The following CACNA2D3 variants were observed in gnomAD, a reference collection of about 807,000 sequenced individuals.
The protein encoded by CACNA2D3 is calcium voltage-gated channel auxiliary subunit alpha2delta 3, also known as voltage-dependent calcium channel subunit alpha-2/delta-3.
CACNA2D3 carries 60 observed loss-of-function variants against 160.6 expected under a neutral mutation model. The ratio of observed to expected loss-of-function variants is 0.37; its 90% confidence interval spans 0.30 to 0.46. CACNA2D3 has a LOEUF of 0.46. CACNA2D3 is among the 20% of genes least tolerant of loss of function. The probability of loss-of-function intolerance (pLI) is 1.00; values close to 1 mark genes in which losing one functional copy is unlikely to be tolerated. For missense variants in CACNA2D3, 1,205 were observed against 1,365.0 expected, an observed-to-expected ratio of 0.88 and a Z score of 1.85; for synonymous variants, 558 against 492.9, an observed-to-expected ratio of 1.13 and a Z score of -1.75.
intron 25 of CACNA2D3, chr3:54,894,704 A>ACG (rs1700145947): frequency 4.1e-6 from 2 of 482,392 alleles, no homozygotes; most frequent in East Asian, 1.2e-4. Context: ...GGGCCAGGCA[A>ACG]CAGAGGCTCC....
intron 15 of CACNA2D3, among the ~76,000 whole-genome samples, chr3:54,838,137 C>A (rs1698738298): frequency 6.6e-6 from 1 of 152,184 alleles, no homozygotes; most frequent in Admixed American, 6.5e-5. Context: ...GCTATTTAGA[C>A]TCTCTCTCCT....
chr3:55,074,333 CATGATTTT>C lies in CACNA2D3; in HGVS notation c.*129_*136del. ...TATAGTCCAACCATCAGCATCTCATCATGATTTTAAACTGTGCGTGATATAAACTCTTA... is the reference window on the plus strand; with the variant it reads ...TATAGTCCAACCATCAGCATCTCATCAAACTGTGCGTGATATAAACTCTTA... On this transcript the variant is annotated 3_prime_UTR_variant, in exon 38 of 38. Coordinates refer to ENST00000474759, the MANE Select transcript of CACNA2D3 (RefSeq NM_018398.3). 1.3e-6 allele frequency: 1 copy of C among 759,038 alleles called. No homozygotes were observed. The highest frequency in any genetic ancestry group is 2.5e-5 in the East Asian group (1 of 40,188). 47.0% of individuals were successfully genotyped at this position (759,038 alleles called of 1,614,324 possible).
chr3:54,179,737 T>C (rs540584596), intron 2 of CACNA2D3, among the ~76,000 whole-genome samples: 1 of 152,298 alleles, frequency 6.6e-6, no homozygotes, highest in African/African-American at 2.4e-5. Context: ...AGTGCCCTTA[T>C]AAGAAGAGAG....
chr3:54,966,711 C>T (rs578230883), intron 27 of CACNA2D3, among the ~76,000 whole-genome samples: 8 of 152,134 alleles, frequency 5.3e-5, no homozygotes, highest in Admixed American at 6.5e-5. Context: ...CCCAGCTACT[C>T]GGGAGGCTGA....
intron 4 of CACNA2D3, among the ~76,000 whole-genome samples, chr3:54,494,507 A>G (rs1039147412): frequency 7.2e-5 from 11 of 152,146 alleles, no homozygotes; most frequent in Admixed American, 7.2e-4. Context: ...ATGAACCATT[A>G]TTCATTGTCC....
chr3:54,839,102 A>G (rs930445347), intron 16 of CACNA2D3, among the ~76,000 whole-genome samples: 5 of 152,136 alleles, frequency 3.3e-5, no homozygotes, highest in African/African-American at 1.2e-4. Context: ...CTAAAAATAC[A>G]AAACAATTAG....
chr3:54,500,193 G>T (rs1701266207), intron 4 of CACNA2D3, among the ~76,000 whole-genome samples: 1 of 152,026 alleles, frequency 6.6e-6, no homozygotes, highest in African/African-American at 2.4e-5. Flanking sequence ...AGTCTGTTTT[G>T]CCTGAAATTA....
intron 4 of CACNA2D3, among the ~76,000 whole-genome samples, chr3:54,476,381 G>C (rs76058910): frequency 1.3e-5 from 2 of 151,840 alleles, no homozygotes; most frequent in Admixed American, 1.3e-4. Flanking sequence ...GTGTGCAGCT[G>C]TCTCTTTGAG....
intron 2 of CACNA2D3, among the ~76,000 whole-genome samples, chr3:54,150,862 G>A (rs932075336): frequency 6.6e-6 from 1 of 152,014 alleles, no homozygotes; most frequent in East Asian, 1.9e-4. Context: ...ATGAGTGGGT[G>A]TATGGAGAAA....
At chr3:54,456,527 G>A (rs1287202291) in intron 4 of CACNA2D3, among the ~76,000 whole-genome samples, 1 of 151,744 alleles carries the variant, frequency 6.6e-6, no homozygotes, top group Non-Finnish European at 1.5e-5. Context: ...GAGAATTTTT[G>A]CCTCTGTATT....
At chr3:54,928,396 G>C (rs1701089914) in intron 27 of CACNA2D3, among the ~76,000 whole-genome samples, 1 of 152,124 alleles carries the variant, frequency 6.6e-6, no homozygotes, top group Admixed American at 6.5e-5. Flanking sequence ...ACCATGCCGG[G>C]TCACCCCTCT....
In CACNA2D3 at chr3:54,844,539, C is replaced by G. The variant is rs190351115; in HGVS notation, c.1552-1854C>G. 1.1e-4 allele frequency among the ~76,000 whole-genome samples: 16 copies of G among 152,246 alleles called. No individual in the cohort carries two copies. In the East Asian group the frequency reaches 2.9e-3, roughly 28 times the overall value. ...AGTTTCTTCTATTGTTTCCCTACTTCCACCTTTTTCTCTTTCTTCTTTCCC... is the reference window on the plus strand; with the variant it reads ...AGTTTCTTCTATTGTTTCCCTACTTGCACCTTTTTCTCTTTCTTCTTTCCC... On this transcript the variant is annotated intron_variant, in intron 16 of 37. Coordinates refer to ENST00000474759, the MANE Select transcript of CACNA2D3 (RefSeq NM_018398.3).
intron 9 of CACNA2D3, chr3:54,626,082 C>T (rs561456625): frequency 3.5e-6 from 2 of 570,530 alleles, no homozygotes; most frequent in East Asian, 5.8e-5. Context: ...CTCCCCCTGC[C>T]AGTTTCCCCA....
intron 35 of CACNA2D3, among the ~76,000 whole-genome samples, chr3:55,056,316 G>T (rs1331221148): frequency 3.9e-5 from 6 of 152,168 alleles, no homozygotes; most frequent in Admixed American, 3.9e-4. Context: ...CAAGTGTTGA[G>T]AAGGATGTGG....
chr3:54,527,377 A>T (rs1701741974), intron 5 of CACNA2D3, among the ~76,000 whole-genome samples: 1 of 152,160 alleles, frequency 6.6e-6, no homozygotes, highest in Non-Finnish European at 1.5e-5. Flanking sequence ...CCCTGGGCAC[A>T]ATCGCTGAGC....
At chr3:54,384,737 T>C (rs1699160642) in intron 3 of CACNA2D3, among the ~76,000 whole-genome samples, 1 of 152,238 alleles carries the variant, frequency 6.6e-6, no homozygotes, top group African/African-American at 2.4e-5. Flanking sequence ...GTTTTGTTTT[T>C]GAGACAGAGT....
intron 2 of CACNA2D3, among the ~76,000 whole-genome samples, chr3:54,291,428 CT>C (rs1703201649): frequency 6.6e-6 from 1 of 152,054 alleles, no homozygotes; most frequent in African/African-American, 2.4e-5. Flanking sequence ...ATCTTTTTAC[CT>C]GTTCCTTTGA....
At chr3:54,362,061 C>A (rs1698752531) in intron 3 of CACNA2D3, among the ~76,000 whole-genome samples, 1 of 152,136 alleles carries the variant, frequency 6.6e-6, no homozygotes, top group South Asian at 2.1e-4. Flanking sequence ...TCAACAACAC[C>A]ACAATTAGTA....
intron 4 of CACNA2D3, among the ~76,000 whole-genome samples, chr3:54,501,661 C>T (rs940836860): frequency 6.6e-6 from 1 of 151,832 alleles, no homozygotes; most frequent in Non-Finnish European, 1.5e-5. Flanking sequence ...CTCAAGCAAT[C>T]CTCCTGCCTT....
Sources: allele counts gnomAD v4.1 joint callset (sites outside exome capture counted in the v4.1 genomes callset), GRCh38; gene constraint gnomAD v4.1.1; transcripts MANE v1.5; gene names NCBI Gene and HGNC (gene_info 2026-07-23, HGNC 2026-07-21).